The following MYO18B variants were observed in gnomAD, a reference collection of about 807,000 sequenced individuals.
MYO18B encodes unconventional myosin-XVIIIb.
In MYO18B, 204 loss-of-function variants were observed where a neutral mutation model predicts 273.0. The observed-to-expected ratio is 0.75, with a 90% CI of 0.67 to 0.84. The LOEUF (loss-of-function observed/expected upper bound fraction) is 0.84. MYO18B is among the 40% of genes least tolerant of loss of function. MYO18B has a pLI of 0.00. For synonymous variants in MYO18B, 1,330 were observed against 1,305.7 expected, an observed-to-expected ratio of 1.02 and a Z score of -0.40; for missense variants, 3,212 against 3,287.6, an observed-to-expected ratio of 0.98 and a Z score of 0.56.
intron 12 of MYO18B, 32 bp downstream of exon 12, chr22:25,798,129 G>T (rs1299060656): frequency 1.3e-6 from 2 of 1,571,506 alleles, no homozygotes; most frequent in African/African-American, 2.7e-5. Flanking sequence ...CACCTGGGAG[G>T]GCAGCTGTCT....
chr22:25,822,260 A>G (rs540576993), intron 12 of MYO18B, among the ~76,000 whole-genome samples: 3 of 152,114 alleles, frequency 2.0e-5, no homozygotes, highest in Admixed American at 2.0e-4. Context: ...TTTATGTAGT[A>G]CCTCCTTCTC....
At chr22:25,748,399 C>T (rs1445706993) in intron 1 of MYO18B, among the ~76,000 whole-genome samples, 1 of 152,142 alleles carries the variant, frequency 6.6e-6, no homozygotes, top group African/African-American at 2.4e-5. Context: ...GGTTTTGTGG[C>T]TTCTGAGGGC....
At position 25,823,666 on chromosome 22, in the gene MYO18B, G is replaced by C; in HGVS notation, c.2683G>C (p.Glu895Gln). 1 of 1,613,976 alleles carries C rather than the reference G, an allele frequency of 6.2e-7. No homozygotes were observed. Among genetic ancestry groups the C allele is most frequent in the Non-Finnish European group, 8.5e-7 (1 of 1,179,880 alleles). ...GPSRWGLEDEETSSGLKMTGV... is the reference protein window; with the variant it reads ...GPSRWGLEDEQTSSGLKMTGV... ...AAGCCGATGGGGCCTCGAGGATGAG[G>C]AAACCAGCTCAGGTACATGGCTGCT... Residue 895 changes from glutamate (E) to glutamine (Q), a missense_variant, in exon 13 of 44, where the codon GAA becomes CAA. By Grantham distance (29) the Glu-to-Gln change is conservative (BLOSUM62 2). Transcript: ENST00000335473.
chr22:25,769,332 G>A lies in MYO18B; in HGVS notation c.1416G>A (p.Glu472=). 3.2e-6 allele frequency: 5 copies of A among 1,577,878 alleles called. No individual in the cohort carries two copies. The highest frequency in any genetic ancestry group is 4.3e-6 in the Non-Finnish European group (5 of 1,162,370). ...AAGGACCCAGCCAGCCTGCTCTGGA[G>A]AAGGATGCAGAAAGGCCTCGGATAC... ...ELEGPSQPAL[E]KDAERPRIRK... is the part of the protein sequence containing the mutation. Residue 472 remains glutamate, a synonymous_variant, in exon 4 of 44, where the codon GAG becomes GAA. Transcript: ENST00000335473.
At chr22:25,825,256 G>C (rs557462489) in intron 13 of MYO18B, among the ~76,000 whole-genome samples, 15 of 152,272 alleles carry the variant, frequency 9.9e-5, no homozygotes, top group South Asian at 4.2e-4. Context: ...AGAGATGCTG[G>C]GAGGCTGTGG....
intron 12 of MYO18B, among the ~76,000 whole-genome samples, chr22:25,818,486 G>T (rs2089137117): frequency 6.6e-6 from 1 of 152,164 alleles, no homozygotes; most frequent in Non-Finnish European, 1.5e-5. Context: ...GCCTCAGAGG[G>T]TTTTGGTGAG....
At chr22:25,871,799 A>C (rs980340056) in intron 22 of MYO18B, among the ~76,000 whole-genome samples, 2 of 150,654 alleles carry the variant, frequency 1.3e-5, no homozygotes, top group African/African-American at 2.5e-5. Flanking sequence ...AAAACAAAAA[A>C]CAAAAAACAA....
At chr22:25,980,704 G>A (rs1190395567) in intron 39 of MYO18B, among the ~76,000 whole-genome samples, 1 of 152,152 alleles carries the variant, frequency 6.6e-6, no homozygotes, top group East Asian at 1.9e-4. Context: ...ATTCTCTATA[G>A]TGAATGCTAT....
intron 43 of MYO18B, 71 bp from the exon 44 acceptor site, chr22:26,030,372 G>C (rs574312647): frequency 6.5e-6 from 1 of 153,082 alleles, no homozygotes; most frequent in South Asian, 2.1e-4. Flanking sequence ...GTGAGACCCT[G>C]CCTCCAGAAA....
At position 25,950,431 on chromosome 22, in the gene MYO18B, A is replaced by G; in HGVS notation, c.5813A>G (p.Lys1938Arg). ...CAGCTGGAGGAAGCCAAGAAGGAGA[A>G]GCACAAGCTACAAGAACAAGTATGT... ...QLQLEEAKKE[K>R]HKLQEQLQVA... The change falls in exon 37 of 44, where the codon AAG (lysine) becomes AGG (arginine). Residue 1938 changes from lysine (K) to arginine (R), a missense_variant. Lys to Arg is a conservative substitution (Grantham distance 26). Transcript: ENST00000335473. The G allele has an allele frequency of 6.2e-7, 1 of 1,606,692 alleles. No homozygotes were observed. Among genetic ancestry groups the G allele is most frequent in the African/African-American group, 1.3e-5 (1 of 74,628 alleles).
chr22:25,866,479 G>A (rs898343305), intron 21 of MYO18B, among the ~76,000 whole-genome samples: 3 of 152,086 alleles, frequency 2.0e-5, no homozygotes, highest in Non-Finnish European at 4.4e-5. Context: ...CCTCCCTATG[G>A]AATCTCTCTG....
intron 1 of MYO18B, among the ~76,000 whole-genome samples, chr22:25,758,734 G>T (rs1255542477): frequency 6.6e-6 from 1 of 151,892 alleles, no homozygotes; most frequent in African/African-American, 2.4e-5. Flanking sequence ...GGCATGAAAA[G>T]AAGAGTTTTT....
intron 14 of MYO18B, among the ~76,000 whole-genome samples, chr22:25,827,706 A>G (rs1279593236): frequency 6.6e-6 from 1 of 152,130 alleles, no homozygotes; most frequent in Non-Finnish European, 1.5e-5. Flanking sequence ...CCACAGACAT[A>G]TTATCTAGAA....
chr22:25,848,281 G>C (rs2090319782), intron 20 of MYO18B, among the ~76,000 whole-genome samples: 2 of 152,178 alleles, frequency 1.3e-5, no homozygotes, highest in Non-Finnish European at 2.9e-5. Flanking sequence ...CAGGGATACG[G>C]GAGGCCCTGA....
chr22:25,903,164 C>T (rs1035965368), intron 30 of MYO18B: 3 of 199,496 alleles, frequency 1.5e-5, no homozygotes, highest in Admixed American at 1.1e-4. Context: ...AACCTCTGAG[C>T]GCTTTAGCCT....
At chr22:26,015,906 A>G (rs889837207) in intron 42 of MYO18B, among the ~76,000 whole-genome samples, 1 of 152,246 alleles carries the variant, frequency 6.6e-6, no homozygotes, top group African/African-American at 2.4e-5. Context: ...AATGTAAGTT[A>G]CTTGAAGACA....
intron 30 of MYO18B, chr22:25,903,015 T>C: frequency 2.7e-6 from 1 of 368,212 alleles, no homozygotes; most frequent in Non-Finnish European, 5.1e-6. Flanking sequence ...CAGCAGAGAA[T>C]GAGTTAGCTA....
At chr22:25,953,876 A>G (rs897239550) in intron 38 of MYO18B, among the ~76,000 whole-genome samples, 2 of 152,100 alleles carry the variant, frequency 1.3e-5, no homozygotes, top group South Asian at 4.2e-4. Flanking sequence ...GAGATGGGGT[A>G]CCTCAAAGAC....
intron 34 of MYO18B, among the ~76,000 whole-genome samples, chr22:25,925,869 C>T (rs1459741620): frequency 7.3e-6 from 1 of 136,626 alleles, no homozygotes; most frequent in South Asian, 2.4e-4. Flanking sequence ...CGCGCCATTG[C>T]ACTCCAGCAT....
Sources: gnomAD v4.1 joint callset for allele counts (sites outside exome capture counted in the v4.1 genomes callset) on GRCh38, gnomAD v4.1.1 for gene constraint, MANE v1.5 for transcripts, NCBI Gene and HGNC (gene_info 2026-07-23, HGNC 2026-07-21) for gene names.